The following ARHGAP44 variants were observed in gnomAD, a reference collection of about 807,000 sequenced individuals.
ARHGAP44 encodes Rho GTPase activating protein 44, also known as rho GTPase-activating protein 44.
In ARHGAP44, 43 loss-of-function variants were observed where a neutral mutation model predicts 106.8. The ratio of observed to expected loss-of-function variants is 0.40; its 90% CI spans 0.32 to 0.52. ARHGAP44 has a LOEUF of 0.52. ARHGAP44 is among the 20% of genes least tolerant of loss of function. ARHGAP44 has a pLI of 0.48. For missense variants in ARHGAP44, 866 were observed against 1,050.5 expected (o/e 0.82, Z 2.43); for synonymous variants, 439 against 410.3 (o/e 1.07, Z -0.85).
At chr17:12,859,684 G>A (rs574453901) in intron 1 of ARHGAP44, among the ~76,000 whole-genome samples, 65 of 152,264 alleles carry the variant, frequency 4.3e-4, no homozygotes, top group African/African-American at 1.4e-3. Flanking sequence ...TTTGGAGCAG[G>A]TATAATACAC....
intron 1 of ARHGAP44, among the ~76,000 whole-genome samples, chr17:12,839,361 G>A (rs989588525): frequency 6.6e-6 from 1 of 152,084 alleles, no homozygotes; most frequent in African/African-American, 2.4e-5. Flanking sequence ...CTATCTCCTC[G>A]GTCACCCTGT....
At chr17:12,930,154 G>A (rs573017275) in intron 7 of ARHGAP44, among the ~76,000 whole-genome samples, 5 of 152,246 alleles carry the variant, frequency 3.3e-5, no homozygotes, top group African/African-American at 1.2e-4. Flanking sequence ...TATCTGGCGT[G>A]TGTGGTATTC....
intron 1 of ARHGAP44, among the ~76,000 whole-genome samples, chr17:12,835,588 G>A (rs755117520): frequency 1.3e-5 from 2 of 150,562 alleles, no homozygotes; most frequent in Admixed American, 6.6e-5. Context: ...TGTTTTTACC[G>A]TGGTTACGTG....
chr17:12,887,468 T>C (rs1441264801), intron 1 of ARHGAP44, among the ~76,000 whole-genome samples: 1 of 152,158 alleles, frequency 6.6e-6, no homozygotes, highest in Non-Finnish European at 1.5e-5. Context: ...CTCAAACTCC[T>C]ATCCTCAAGT....
At chr17:12,987,200 C>T in intron 20 of ARHGAP44, 1 of 1,472,502 alleles carries the variant, frequency 6.8e-7, no homozygotes, top group Non-Finnish European at 9.1e-7. Flanking sequence ...CTAGCCAGGC[C>T]AGCTGCCCGC....
At chr17:12,835,305 ACAGATGTGTG>A (rs1164613858) in intron 1 of ARHGAP44, among the ~76,000 whole-genome samples, 1 of 152,196 alleles carries the variant, frequency 6.6e-6, no homozygotes, top group African/African-American at 2.4e-5. Flanking sequence ...AAACGTGTGC[ACAGATGTGTG>A]CAGATGTGTA....
At chr17:12,794,485 T>C (rs2033860053) in intron 1 of ARHGAP44, among the ~76,000 whole-genome samples, 1 of 152,178 alleles carries the variant, frequency 6.6e-6, no homozygotes, top group South Asian at 2.1e-4. Context: ...TAGAAACGAT[T>C]TCAACAGCTA....
chr17:12,911,029 C>A (rs2037718371), intron 4 of ARHGAP44, among the ~76,000 whole-genome samples: 1 of 129,670 alleles, frequency 7.7e-6, no homozygotes. Flanking sequence ...ATGGAAGGGA[C>A]TACAAGAGAA....
chr17:12,908,772 A>G, intron 3 of ARHGAP44, 125 bp from the exon 4 acceptor site: 1 of 736,850 alleles, frequency 1.4e-6, no homozygotes, highest in Non-Finnish European at 2.3e-6. Flanking sequence ...GTTTAAACCT[A>G]TTTTAAAGTT....
intron 1 of ARHGAP44, among the ~76,000 whole-genome samples, chr17:12,876,445 C>T (rs1222727122): frequency 1.3e-5 from 2 of 152,140 alleles, no homozygotes; most frequent in Admixed American, 6.5e-5. Context: ...TGTCTTACCA[C>T]AGCCAATAAA....
At chr17:12,804,262 T>C (rs529124288) in intron 1 of ARHGAP44, among the ~76,000 whole-genome samples, 2 of 152,322 alleles carry the variant, frequency 1.3e-5, no homozygotes, top group South Asian at 4.1e-4. Flanking sequence ...TCTAGGCCAA[T>C]TTATTTCACA....
At chr17:12,959,536 A>G (rs187589681) in intron 16 of ARHGAP44, among the ~76,000 whole-genome samples, 2 of 152,360 alleles carry the variant, frequency 1.3e-5, no homozygotes, top group East Asian at 3.9e-4. Flanking sequence ...ATTGAACTAC[A>G]TAATGATTCC....
At chr17:12,823,223 T>C (rs1407119751) in intron 1 of ARHGAP44, among the ~76,000 whole-genome samples, 1 of 152,172 alleles carries the variant, frequency 6.6e-6, no homozygotes, top group African/African-American at 2.4e-5. Context: ...TGTTTCTGCC[T>C]GCAGCTGAGT....
intron 1 of ARHGAP44, among the ~76,000 whole-genome samples, chr17:12,837,578 GT>G (rs1444138248): frequency 6.6e-6 from 1 of 151,860 alleles, no homozygotes; most frequent in Non-Finnish European, 1.5e-5. Flanking sequence ...GTAAGAGTAA[GT>G]CATGGGGAGG....
intron 19 of ARHGAP44, among the ~76,000 whole-genome samples, chr17:12,982,450 G>A (rs577728778): frequency 1.8e-4 from 27 of 151,764 alleles, no homozygotes; most frequent in African/African-American, 4.6e-4. Context: ...CAGCTCCTTC[G>A]TGAGAAGGCA....
chr17:12,823,252 C>T (rs764693940), intron 1 of ARHGAP44, among the ~76,000 whole-genome samples: 8 of 152,286 alleles, frequency 5.3e-5, no homozygotes, highest in Non-Finnish European at 1.0e-4. Flanking sequence ...GTGACTCTAA[C>T]GCAGGTTGGT....
chr17:12,923,757 T>C (rs1470104332), intron 6 of ARHGAP44, among the ~76,000 whole-genome samples: 1 of 152,204 alleles, frequency 6.6e-6, no homozygotes, highest in Non-Finnish European at 1.5e-5. Flanking sequence ...TTGTAGGACC[T>C]TGCCAAAAGC....
chr17:12,990,989 G>T lies in ARHGAP44; in HGVS notation c.*818G>T, dbSNP rs932108035. ...CTAAAGGCACCCAGTTCACTAGTCTGTGGGGTCCTGGAGCCTGTCTCTTCT... is the reference window on the plus strand; with the variant it reads ...CTAAAGGCACCCAGTTCACTAGTCTTTGGGGTCCTGGAGCCTGTCTCTTCT... On this transcript the variant is annotated 3_prime_UTR_variant, in exon 21 of 21. Coordinates refer to ENST00000379672, the MANE Select transcript of ARHGAP44 (RefSeq NM_014859.6). 6.6e-6 allele frequency: 1 copy of T among 152,662 alleles called. No homozygotes were observed. The highest frequency in any genetic ancestry group is 1.9e-4 in the East Asian group (1 of 5,196). 9.5% of individuals were successfully genotyped at this position (152,662 alleles called of 1,614,324 possible).
chr17:12,962,901 C>G (rs1437532935), intron 16 of ARHGAP44, among the ~76,000 whole-genome samples: 1 of 151,994 alleles, frequency 6.6e-6, no homozygotes, highest in East Asian at 1.9e-4. Context: ...CAAAATTGGC[C>G]AGGCATCGTG....
Sources: allele counts gnomAD v4.1 joint callset (sites outside exome capture counted in the v4.1 genomes callset), GRCh38; gene constraint gnomAD v4.1.1; transcripts MANE v1.5; gene names NCBI Gene and HGNC (gene_info 2026-07-23, HGNC 2026-07-21).